SMYD2: variants seen among roughly 807,000 people sequenced by gnomAD.
The protein encoded by SMYD2 is SET and MYND domain containing 2, also known as N-lysine methyltransferase SMYD2.
Under a neutral mutation model 59.1 loss-of-function variants are expected in SMYD2, and 53 were observed. That is an observed-to-expected ratio of 0.90 (90% CI 0.72 to 1.13). The LOEUF (loss-of-function observed/expected upper bound fraction) is 1.13. SMYD2 is among the 50% of genes most tolerant of loss of function. SMYD2 has a pLI of 0.00. For missense variants in SMYD2, 494 were observed against 544.7 expected (o/e 0.91, Z 0.93); for synonymous variants, 208 against 198.8 (o/e 1.05, Z -0.39).
intron 6 of SMYD2, 53 bp downstream of exon 6, chr1:214,324,761 T>A: frequency 1.3e-6 from 2 of 1,525,000 alleles, no homozygotes; most frequent in Non-Finnish European, 1.8e-6. Context: ...AACACTAATT[T>A]GATTTTTTTT....
chr1:214,308,435 G>A (rs758871027), intron 2 of SMYD2, among the ~76,000 whole-genome samples: 1 of 152,180 alleles, frequency 6.6e-6, no homozygotes, highest in Non-Finnish European at 1.5e-5. Context: ...CTTCGTAAAG[G>A]AAATCATTAG....
At chr1:214,322,567 T>C (rs1297026286) in intron 5 of SMYD2, among the ~76,000 whole-genome samples, 3 of 152,240 alleles carry the variant, frequency 2.0e-5, no homozygotes, top group South Asian at 2.1e-4. Context: ...ATAGCTCTTA[T>C]TGCTTTGTAT....
intron 3 of SMYD2, among the ~76,000 whole-genome samples, chr1:214,316,718 T>C (rs1392109420): frequency 6.6e-6 from 1 of 152,128 alleles, no homozygotes; most frequent in Non-Finnish European, 1.5e-5. Flanking sequence ...TTGGGTCAGG[T>C]GCTTGCCGAA....
intron 2 of SMYD2, among the ~76,000 whole-genome samples, chr1:214,309,684 G>C (rs2102465691): frequency 6.6e-6 from 1 of 152,304 alleles, no homozygotes; most frequent in East Asian, 1.9e-4. Flanking sequence ...TGGGGCCAGA[G>C]TCGTAGGTTC....
chr1:214,297,331 GA>G (rs1656749017), intron 1 of SMYD2, among the ~76,000 whole-genome samples: 1 of 150,658 alleles, frequency 6.6e-6, no homozygotes, highest in Non-Finnish European at 1.5e-5. Flanking sequence ...TTTTTTTAAG[GA>G]AATTTTGTTT....
chr1:214,284,777 A>G (rs1183646286), intron 1 of SMYD2, among the ~76,000 whole-genome samples: 1 of 152,140 alleles, frequency 6.6e-6, no homozygotes, highest in Non-Finnish European at 1.5e-5. Context: ...CAGCCTCTCA[A>G]AGTGCTAGGA....
At chr1:214,320,854 A>G (rs536228847) in intron 5 of SMYD2, among the ~76,000 whole-genome samples, 3 of 152,322 alleles carry the variant, frequency 2.0e-5, no homozygotes, top group African/African-American at 4.8e-5. Context: ...TTTTCATATT[A>G]TCCTGGGTTT....
chr1:214,291,064 A>G (rs555025454), intron 1 of SMYD2, among the ~76,000 whole-genome samples: 1 of 152,192 alleles, frequency 6.6e-6, no homozygotes, highest in South Asian at 2.1e-4. Context: ...AGCCAATAGT[A>G]TACTCCCTAA....
At chr1:214,325,857 G>A (rs1354042304) in intron 6 of SMYD2, among the ~76,000 whole-genome samples, 2 of 150,352 alleles carry the variant, frequency 1.3e-5, no homozygotes, top group African/African-American at 2.5e-5. Flanking sequence ...TGAAGAAGGC[G>A]TGTATTGACA....
chr1:214,295,801 C>T (rs1023824675), intron 1 of SMYD2, among the ~76,000 whole-genome samples: 3 of 152,190 alleles, frequency 2.0e-5, no homozygotes, highest in Non-Finnish European at 4.4e-5. Flanking sequence ...GTCCCCTGAC[C>T]AGGGTTATAA....
intron 5 of SMYD2, among the ~76,000 whole-genome samples, chr1:214,322,067 A>G (rs1174952247): frequency 6.6e-6 from 1 of 152,152 alleles, no homozygotes; most frequent in Non-Finnish European, 1.5e-5. Flanking sequence ...GCTGCAGAGG[A>G]GGGACTGAAA....
chr1:214,319,890 T>C (rs1176645514), intron 5 of SMYD2, among the ~76,000 whole-genome samples: 3 of 152,242 alleles, frequency 2.0e-5, no homozygotes, highest in African/African-American at 7.2e-5. Flanking sequence ...ACCTCCATGG[T>C]TTTGTCTTAG....
intron 5 of SMYD2, among the ~76,000 whole-genome samples, chr1:214,322,058 C>G (rs972851597): frequency 6.6e-6 from 1 of 152,162 alleles, no homozygotes; most frequent in Non-Finnish European, 1.5e-5. Context: ...AGTGGGCTTG[C>G]TGCAGAGGAG....
At chr1:214,334,555 G>A (rs1403962561) in intron 11 of SMYD2, among the ~76,000 whole-genome samples, 4 of 152,208 alleles carry the variant, frequency 2.6e-5, no homozygotes, top group Non-Finnish European at 5.9e-5. Flanking sequence ...AGGGCTGGCC[G>A]TGATCACAGG....
intron 1 of SMYD2, among the ~76,000 whole-genome samples, chr1:214,291,602 G>A (rs1043527125): frequency 6.6e-6 from 1 of 152,226 alleles, no homozygotes; most frequent in South Asian, 2.1e-4. Flanking sequence ...CTTGTTTTAC[G>A]TAAAAACTTT....
intron 2 of SMYD2, among the ~76,000 whole-genome samples, chr1:214,314,155 A>C (rs1657043043): frequency 6.6e-6 from 1 of 151,922 alleles, no homozygotes; most frequent in African/African-American, 2.4e-5. Flanking sequence ...GCAGCCTGGC[A>C]ACAGAGCGAG....
intron 1 of SMYD2, among the ~76,000 whole-genome samples, chr1:214,297,728 C>T (rs1418328594): frequency 6.6e-6 from 1 of 152,198 alleles, no homozygotes; most frequent in Non-Finnish European, 1.5e-5. Flanking sequence ...GCCTCCACCC[C>T]ACCACCTCAT....
At chr1:214,334,003 T>C in intron 10 of SMYD2, 197 bp from the exon 11 acceptor site, 3 of 482,748 alleles carry the variant, frequency 6.2e-6, no homozygotes, top group East Asian at 3.0e-5. Context: ...AAACTACAAA[T>C]AATGAACAAC....
intron 1 of SMYD2, among the ~76,000 whole-genome samples, chr1:214,294,395 C>T (rs1656689880): frequency 6.6e-6 from 1 of 152,228 alleles, no homozygotes; most frequent in Non-Finnish European, 1.5e-5. Context: ...AGGCCAGGCG[C>T]GGTGGCTTAC....
Sources: gnomAD v4.1 joint callset for allele counts (sites outside exome capture counted in the v4.1 genomes callset) on GRCh38, gnomAD v4.1.1 for gene constraint, MANE v1.5 for transcripts, NCBI Gene and HGNC (gene_info 2026-07-23, HGNC 2026-07-21) for gene names.